MACROD1: variants seen among roughly 807,000 people sequenced by gnomAD.
MACROD1 encodes mono-ADP ribosylhydrolase 1, also known as ADP-ribose glycohydrolase MACROD1.
Under a neutral mutation model 41.4 loss-of-function variants are expected in MACROD1, and 31 were observed. The observed-to-expected ratio is 0.75, with a 90% confidence interval of 0.56 to 1.01. The LOEUF (loss-of-function observed/expected upper bound fraction) is 1.01. MACROD1 is among the 50% of genes least tolerant of loss of function. MACROD1 has a pLI of 0.00. For missense variants in MACROD1, 473 were observed against 460.0 expected (o/e 1.03, Z -0.26); for synonymous variants, 252 against 203.4 (o/e 1.24, Z -2.03).
At chr11:64,058,012 GCCA>G (rs1333283946) in intron 3 of MACROD1, among the ~76,000 whole-genome samples, 2 of 152,340 alleles carry the variant, frequency 1.3e-5, no homozygotes, top group Admixed American at 1.3e-4. Context: ...CAGCTGGCCT[GCCA>G]CCATCTGTGA....
At chr11:64,117,628 C>A (rs769448815) in intron 3 of MACROD1, 1 of 1,613,790 alleles carries the variant, frequency 6.2e-7, no homozygotes, top group Admixed American at 1.7e-5. Flanking sequence ...ATCCGCATCA[C>A]GTGGAAGGCC....
intron 3 of MACROD1, chr11:64,118,599 T>A (rs1446655323): frequency 6.7e-6 from 2 of 300,012 alleles, no homozygotes; most frequent in Non-Finnish European, 1.3e-5. Flanking sequence ...GTTGGGTTTT[T>A]TTTTTTTCCC....
intron 8 of MACROD1, 59 bp from the exon 9 acceptor site, chr11:63,999,095 G>A: frequency 6.7e-7 from 1 of 1,493,162 alleles, no homozygotes; most frequent in South Asian, 1.3e-5. Flanking sequence ...AGGATCCTGT[G>A]ACTGCCTGCC....
intron 3 of MACROD1, among the ~76,000 whole-genome samples, chr11:64,022,200 C>T (rs951662192): frequency 6.6e-6 from 1 of 151,886 alleles, no homozygotes. Flanking sequence ...AGGGATGAAC[C>T]GCACAGGGAA....
chr11:64,113,810 GA>G (rs1944909424), intron 3 of MACROD1, among the ~76,000 whole-genome samples: 4 of 147,060 alleles, frequency 2.7e-5, no homozygotes, highest in African/African-American at 2.5e-5. Context: ...ATGGATGAAT[GA>G]ACAGGTGGAC....
intron 1 of MACROD1, among the ~76,000 whole-genome samples, chr11:64,158,425 G>A (rs987707018): frequency 1.3e-5 from 2 of 152,042 alleles, no homozygotes; most frequent in Non-Finnish European, 2.9e-5. Context: ...TTTATTTTTA[G>A]GAGAGACAAG....
At chr11:64,015,755 G>A (rs1039918225) in intron 3 of MACROD1, among the ~76,000 whole-genome samples, 1 of 152,174 alleles carries the variant, frequency 6.6e-6, no homozygotes, top group Non-Finnish European at 1.5e-5. Context: ...TTTGCAACCG[G>A]GCTAAGCGCT....
At chr11:64,106,458 A>C (rs1944765023) in intron 3 of MACROD1, among the ~76,000 whole-genome samples, 1 of 152,196 alleles carries the variant, frequency 6.6e-6, no homozygotes. Flanking sequence ...AAGGCAGACC[A>C]TGTCCTAACT....
intron 3 of MACROD1, among the ~76,000 whole-genome samples, chr11:64,127,758 C>T (rs938353445): frequency 2.0e-5 from 3 of 152,070 alleles, no homozygotes; most frequent in African/African-American, 2.4e-5. Context: ...CAAGTGGCTC[C>T]GGGGTAAAAG....
chr11:64,159,932 A>G (rs1229007571), intron 1 of MACROD1, among the ~76,000 whole-genome samples: 1 of 152,248 alleles, frequency 6.6e-6, no homozygotes, highest in East Asian at 1.9e-4. Context: ...AGGTATGTAC[A>G]TACCTAGAGG....
In MACROD1 at chr11:63,998,585, C is replaced by T; in HGVS notation, c.*133G>A. Reference sequence around the variant, plus strand: ...CCACAACGAGATCTTTATTAGGCTCCTCGGGGGCGGGGCGCGGAGGGAAAG... The same window carrying T: ...CCACAACGAGATCTTTATTAGGCTCTTCGGGGGCGGGGCGCGGAGGGAAAG... On this transcript the variant is annotated 3_prime_UTR_variant, in exon 11 of 11. Coordinates refer to ENST00000255681, the MANE Select transcript of MACROD1 (RefSeq NM_014067.4). 1.6e-6 allele frequency: 2 copies of T among 1,262,224 alleles called. No homozygotes were observed. The highest frequency in any genetic ancestry group is 5.8e-5 in the South Asian group (2 of 34,198). 78.2% of individuals were successfully genotyped at this position (1,262,224 alleles called of 1,614,324 possible). A position where few individuals can be genotyped will look rare whatever the true frequency, so the allele number is the denominator to read the frequency against.
chr11:64,016,682 C>T (rs1943085830), intron 3 of MACROD1, among the ~76,000 whole-genome samples: 1 of 152,228 alleles, frequency 6.6e-6, no homozygotes, highest in Non-Finnish European at 1.5e-5. Flanking sequence ...TGCAAGTTGC[C>T]ATGTTACTTG....
chr11:64,134,767 T>C (rs2084727640), intron 3 of MACROD1, among the ~76,000 whole-genome samples: 1 of 152,248 alleles, frequency 6.6e-6, no homozygotes, highest in African/African-American at 2.4e-5. Flanking sequence ...CTGCATCTTT[T>C]CACTTGTTTA....
chr11:64,093,690 T>C (rs563689378), intron 3 of MACROD1, among the ~76,000 whole-genome samples: 59 of 152,300 alleles, frequency 3.9e-4, no homozygotes, highest in African/African-American at 1.4e-3. Context: ...CCACCCCCTC[T>C]TGGTCATGGC....
intron 4 of MACROD1, chr11:64,001,019 A>G (rs563285610): frequency 1.2e-4 from 24 of 197,452 alleles, no homozygotes; most frequent in Admixed American, 7.6e-4. Flanking sequence ...CCGCCTCGTT[A>G]GCGCATCCAG....
intron 4 of MACROD1, 145 bp from the exon 5 acceptor site, chr11:64,000,488 G>A (rs1942804773): frequency 4.0e-6 from 2 of 495,748 alleles, no homozygotes; most frequent in Non-Finnish European, 7.0e-6. Flanking sequence ...CGCGGCCGCT[G>A]CCCCCACCCC....
intron 3 of MACROD1, among the ~76,000 whole-genome samples, chr11:64,037,268 G>C (rs1943400142): frequency 6.6e-6 from 1 of 152,190 alleles, no homozygotes; most frequent in Non-Finnish European, 1.5e-5. Flanking sequence ...GAGGCTGTCT[G>C]TGGGGGGGAC....
intron 4 of MACROD1, among the ~76,000 whole-genome samples, chr11:64,004,948 A>C (rs1942885275): frequency 6.6e-6 from 1 of 152,112 alleles, no homozygotes; most frequent in Non-Finnish European, 1.5e-5. Flanking sequence ...GGGGGATGGG[A>C]GACTGAGGGC....
At chr11:64,081,533 C>G (rs1009774742) in intron 3 of MACROD1, among the ~76,000 whole-genome samples, 3 of 152,132 alleles carry the variant, frequency 2.0e-5, no homozygotes, top group Non-Finnish European at 4.4e-5. Context: ...GTAACACCCC[C>G]CCGACCCCAT....
Sources: allele counts gnomAD v4.1 joint callset (sites outside exome capture counted in the v4.1 genomes callset), GRCh38; gene constraint gnomAD v4.1.1; transcripts MANE v1.5; gene names NCBI Gene and HGNC (gene_info 2026-07-23, HGNC 2026-07-21).